PCDHGA6: variants seen among roughly 807,000 people sequenced by gnomAD.
PCDHGA6 encodes protocadherin gamma-A6.
A neutral mutation model predicts 60.6 loss-of-function variants in PCDHGA6; 41 were observed. The ratio of observed to expected loss-of-function variants is 0.68; its 90% CI spans 0.53 to 0.88. The LOEUF (loss-of-function observed/expected upper bound fraction) is 0.88, where lower values mean the gene tolerates loss of function less well. Among genes scored for constraint, PCDHGA6 ranks in the 40% least tolerant of loss-of-function variants. The pLI, the probability that PCDHGA6 is intolerant of heterozygous loss-of-function variation, is 0.00. For missense variants in PCDHGA6, 1,312 were observed against 1,203.0 expected (o/e 1.09, Z -1.34); for synonymous variants, 594 against 524.4 (o/e 1.13, Z -1.81).
chr5:141,479,679 T>A (rs1211872684), intron 1 of PCDHGA6: 1 of 152,258 alleles, frequency 6.6e-6, no homozygotes, highest in East Asian at 1.9e-4. Flanking sequence ...AAGGAGAGTC[T>A]TTTTGGTGCC....
intron 1 of PCDHGA6, among the ~76,000 whole-genome samples, chr5:141,467,707 G>A (rs1203906639): frequency 6.6e-6 from 1 of 152,140 alleles, no homozygotes; most frequent in Non-Finnish European, 1.5e-5. Flanking sequence ...TGTTGCCCAG[G>A]CTGGAGTGTA....
Position 141,491,265 on chromosome 5 carries a change from CA to C in PCDHGA6, c.2425-3539del. ...AGGATGAGGACCCTGAGGAAATGCC[CA>C]AATCCAGTGACTTCCTCATACACCC... On this transcript the variant is annotated intron_variant, in intron 1 of 3. Coordinates refer to ENST00000517434, the MANE Select transcript of PCDHGA6 (RefSeq NM_018919.3). This position sits in a 1 kb window ranked among gnomAD's most constrained non-coding sequence, Gnocchi z 6.9. 1 of 1,614,074 alleles carries C rather than the reference CA, an allele frequency of 6.2e-7. No individual in the cohort carries two copies.
chr5:141,437,484 T>C (rs547317864), intron 1 of PCDHGA6, among the ~76,000 whole-genome samples: 2 of 152,332 alleles, frequency 1.3e-5, no homozygotes, highest in South Asian at 4.1e-4. Flanking sequence ...ATATTTAATC[T>C]CGTAGATCAC....
At chr5:141,472,003 A>T (rs1450802255) in intron 1 of PCDHGA6, among the ~76,000 whole-genome samples, 1 of 152,176 alleles carries the variant, frequency 6.6e-6, no homozygotes, top group Non-Finnish European at 1.5e-5. Context: ...CCTGCATCGT[A>T]TAGGGGCACT....
In PCDHGA6 at chr5:141,432,927, G is replaced by A; in HGVS notation, c.2424+56420G>A. On this transcript the variant is annotated intron_variant, in intron 1 of 3. Coordinates refer to ENST00000517434, the MANE Select transcript of PCDHGA6 (RefSeq NM_018919.3). This position sits in a 1 kb window ranked among gnomAD's most constrained non-coding sequence, Gnocchi z 6.0. ...AGGCTGCGGCGCTGGCACAAGTCACGCCTGCTGCAGGCTTCAGGAGGCGGC... is the reference window on the plus strand; with the variant it reads ...AGGCTGCGGCGCTGGCACAAGTCACACCTGCTGCAGGCTTCAGGAGGCGGC... 6.2e-7 allele frequency: 1 copy of A among 1,614,162 alleles called. No individual in the cohort carries two copies. Among genetic ancestry groups the A allele is most frequent in the Non-Finnish European group, 8.5e-7 (1 of 1,180,032 alleles).
Position 141,505,388 on chromosome 5 carries a change from C to T in PCDHGA6, c.2484-5C>T, listed in dbSNP as rs756505223. ...TCTGTGCTCACCATCCTACTCTCTCCCCAGCTCCCAAAATGGCGATGACAC... is the reference window on the plus strand; with the variant it reads ...TCTGTGCTCACCATCCTACTCTCTCTCCAGCTCCCAAAATGGCGATGACAC... On this transcript the variant is annotated splice_polypyrimidine_tract_variant and splice_region_variant and intron_variant, in intron 2 of 3. Transcript: ENST00000517434. The T allele has an allele frequency of 6.2e-7, 1 of 1,613,972 alleles. No homozygotes were observed. The highest frequency in any genetic ancestry group is 2.2e-5 in the East Asian group (1 of 44,886).
chr5:141,455,388 A>C (rs1415223043), intron 1 of PCDHGA6, among the ~76,000 whole-genome samples: 1 of 152,086 alleles, frequency 6.6e-6, no homozygotes, highest in Non-Finnish European at 1.5e-5. Context: ...AGAAGGAAGG[A>C]GCTCCCCCTT....
In PCDHGA6 at chr5:141,408,496, G is replaced by C. The variant is rs758752081; in HGVS notation, c.2424+31989G>C. On this transcript the variant is annotated intron_variant, in intron 1 of 3. Coordinates refer to ENST00000517434, the MANE Select transcript of PCDHGA6 (RefSeq NM_018919.3). The stretch of plus-strand genomic sequence containing the variant: ...TAGACCGTGAGCAAATATGCAAAGA[G>C]AGAAGAAGATGTGAGTTGCAATTGG... 21 of 1,613,960 alleles carry C rather than the reference G, an allele frequency of 1.3e-5. No individual in the cohort carries two copies. In the East Asian group the frequency reaches 1.3e-4, roughly 10 times the overall value.
chr5:141,433,080 A>T lies in PCDHGA6; in HGVS notation c.2424+56573A>T, dbSNP rs1315049041. 4.3e-6 allele frequency: 7 copies of T among 1,614,174 alleles called. No homozygotes were observed. The East Asian group carries it at 1.6e-4, about 36-fold the overall frequency. ...AGTCACCTGATCTTCCCCCAGCCCA[A>T]CTATGCAGACATGCTCGTCAGCCAG... On this transcript the variant is annotated intron_variant, in intron 1 of 3. Transcript: ENST00000517434.
chr5:141,373,950 A>G lies in PCDHGA6; in HGVS notation c.-134A>G, dbSNP rs2150030574. 1.2e-6 allele frequency: 1 copy of G among 822,986 alleles called. No homozygotes were observed. The highest frequency in any genetic ancestry group is 1.8e-6 in the Non-Finnish European group (1 of 566,728). 51.0% of individuals were successfully genotyped at this position (822,986 alleles called of 1,614,324 possible). The stretch of plus-strand genomic sequence containing the variant: ...GGGAAAGCAGGAAAGCTGTGCAGAA[A>G]TTCTGACCTGAAACGCTTCGCATCC... On this transcript the variant is annotated 5_prime_UTR_variant, in exon 1 of 4. Transcript: ENST00000517434.
chr5:141,472,980 C>CAAAAAAAAAAAAAAAAGAAAAAAAAA (rs2099308501), intron 1 of PCDHGA6, among the ~76,000 whole-genome samples: 1 of 86,106 alleles, frequency 1.2e-5, no homozygotes, highest in Non-Finnish European at 2.5e-5. Context: ...GAGTGAAACT[C>CAAAAAAAAAAAAAAAAGAAAAAAAAA]AAAAAAAAAA....
chr5:141,478,186 C>T, intron 1 of PCDHGA6: 2 of 1,614,016 alleles, frequency 1.2e-6, no homozygotes, highest in Non-Finnish European at 1.7e-6. Context: ...AAAAAAATCT[C>T]ACCTTTTATC....
chr5:141,401,458 A>T (rs1470076616), intron 1 of PCDHGA6, among the ~76,000 whole-genome samples: 1 of 152,186 alleles, frequency 6.6e-6, no homozygotes, highest in Non-Finnish European at 1.5e-5. Context: ...CATCCAAATA[A>T]TTTTCTAAGT....
Position 141,491,722 on chromosome 5 carries a change from C to G in PCDHGA6, c.2425-3085C>G, listed in dbSNP as rs1276921909. ...CCAGGTGAGGGGCTCGGCGCCGCCC[C>G]GGGCGACCCCTGGGGGCGGCACTGG... On this transcript the variant is annotated intron_variant, in intron 1 of 3. Transcript: ENST00000517434. This position sits in a 1 kb window ranked among gnomAD's most constrained non-coding sequence, Gnocchi z 6.9. 2 of 1,607,004 alleles carry G rather than the reference C, an allele frequency of 1.2e-6. No homozygotes were observed. The highest frequency in any genetic ancestry group is 1.7e-5 in the Admixed American group (1 of 58,788).
At chr5:141,502,815 TTTCC>T in intron 2 of PCDHGA6, among the ~76,000 whole-genome samples, 1 of 151,372 alleles carries the variant, frequency 6.6e-6, no homozygotes, top group East Asian at 1.9e-4. Context: ...TTCACTGTCT[TTTCC>T]TTGGGGAAGC....
intron 1 of PCDHGA6, among the ~76,000 whole-genome samples, chr5:141,483,010 G>C (rs574078222): frequency 6.6e-6 from 1 of 152,006 alleles, no homozygotes; most frequent in Non-Finnish European, 1.5e-5. Flanking sequence ...GCTTGAACCC[G>C]GGAGGCAGAG....
chr5:141,478,121 G>T lies in PCDHGA6; in HGVS notation c.2425-16686G>T. On this transcript the variant is annotated intron_variant, in intron 1 of 3. Coordinates refer to ENST00000517434, the MANE Select transcript of PCDHGA6 (RefSeq NM_018919.3). ...TACCCTCACTGTGTCAGTAACCGAG[G>T]ACTCTCCTGAAGCCCGAGCCGAGTT... 2.5e-6 allele frequency: 4 copies of T among 1,614,036 alleles called. No individual in the cohort carries two copies. In the African/African-American group the frequency reaches 4.0e-5, roughly 16 times the overall value.
In PCDHGA6 at chr5:141,431,514, C is replaced by T. The variant is rs760416874; in HGVS notation, c.2424+55007C>T. ...CAGCCCGAGTACCGCGCGAGCGTTC[C>T]GGAGAATCTGGCCTTGGGCACGCAG... On this transcript the variant is annotated intron_variant, in intron 1 of 3. Transcript: ENST00000517434. This position sits in a 1 kb window ranked among gnomAD's most constrained non-coding sequence, Gnocchi z 4.8. 3.1e-6 allele frequency: 5 copies of T among 1,614,012 alleles called. No homozygotes were observed. The highest frequency in any genetic ancestry group is 1.1e-5 in the South Asian group (1 of 91,082).
In PCDHGA6 at chr5:141,476,948, G is replaced by T; in HGVS notation, c.2425-17859G>T. 6.2e-7 allele frequency: 1 copy of T among 1,614,180 alleles called. No individual in the cohort carries two copies. On this transcript the variant is annotated intron_variant, in intron 1 of 3. Transcript: ENST00000517434. The surrounding 1 kb of genome is among the most constrained non-coding windows in gnomAD (Gnocchi z 7.6). ...GGATCTGGATGAAGGCCCCAACGGTGAAATTATTTACTCCTTCGGCAGCCA... is the reference window on the plus strand; with the variant it reads ...GGATCTGGATGAAGGCCCCAACGGTTAAATTATTTACTCCTTCGGCAGCCA...
Sources: allele counts gnomAD v4.1 joint callset (sites outside exome capture counted in the v4.1 genomes callset), GRCh38; gene constraint gnomAD v4.1.1; non-coding constraint Gnocchi (gnomAD v3.1); transcripts MANE v1.5; gene names NCBI Gene and HGNC (gene_info 2026-07-23, HGNC 2026-07-21).